AGBL4: variants seen among roughly 807,000 people sequenced by gnomAD.
AGBL4 encodes cytosolic carboxypeptidase 6.
In AGBL4, 58 loss-of-function variants were observed where a neutral mutation model predicts 66.4. The observed-to-expected ratio is 0.87, with a 90% CI of 0.71 to 1.09. The LOEUF is 1.09. Among genes scored for constraint, AGBL4 ranks in the 50% least tolerant of loss-of-function variants. AGBL4 has a pLI of 0.00. For synonymous variants in AGBL4, 234 were observed against 222.9 expected (o/e 1.05, Z -0.44); for missense variants, 579 against 631.0 (o/e 0.92, Z 0.88).
intron 10 of AGBL4, among the ~76,000 whole-genome samples, chr1:48,590,472 C>G (rs1644897536): frequency 1.3e-5 from 2 of 151,480 alleles, no homozygotes; most frequent in South Asian, 4.2e-4. Flanking sequence ...GGGAGGATTA[C>G]TTGATCTTGG....
chr1:49,642,789 A>G (rs1396156671), intron 3 of AGBL4, among the ~76,000 whole-genome samples: 1 of 152,046 alleles, frequency 6.6e-6, no homozygotes, highest in Non-Finnish European at 1.5e-5. Flanking sequence ...GATAACATTT[A>G]ACAGTTTATA....
At chr1:48,972,990 A>G (rs1659032767) in intron 5 of AGBL4, among the ~76,000 whole-genome samples, 1 of 152,116 alleles carries the variant, frequency 6.6e-6, no homozygotes, top group African/African-American at 2.4e-5. Context: ...AATTTGTCAA[A>G]TTTAAAACAT....
chr1:49,555,626 C>T (rs1653375518), intron 3 of AGBL4, among the ~76,000 whole-genome samples: 1 of 150,770 alleles, frequency 6.6e-6, no homozygotes, highest in East Asian at 2.0e-4. Context: ...TTTTTGCAAT[C>T]TACTCATCTG....
chr1:49,371,860 TGTGTGTGTTTAAA>T (rs1644353709), intron 3 of AGBL4, among the ~76,000 whole-genome samples: 1 of 147,640 alleles, frequency 6.8e-6, no homozygotes, highest in Non-Finnish European at 1.5e-5. Flanking sequence ...TGTGTGTGTG[TGTGTGTGTTTAAA>T]TAGACACCTC....
At chr1:49,049,745 G>C (rs1333710752) in intron 4 of AGBL4, among the ~76,000 whole-genome samples, 1 of 151,974 alleles carries the variant, frequency 6.6e-6, no homozygotes, top group Non-Finnish European at 1.5e-5. Context: ...AGCTTTAGGG[G>C]ATAAAGATCC....
intron 6 of AGBL4, 124 bp from the exon 7 acceptor site, chr1:48,663,365 T>C: frequency 1.2e-6 from 1 of 827,138 alleles, no homozygotes; most frequent in East Asian, 2.5e-5. Flanking sequence ...CTTAAACCAC[T>C]GGGTTAGAAT....
chr1:48,627,590 G>GA (rs563178094), intron 9 of AGBL4, among the ~76,000 whole-genome samples: 2,586 of 140,136 alleles, frequency 0.018, 48 homozygotes, highest in African/African-American at 0.042. Context: ...GAAAAGAAAA[G>GA]AAAAAAAAAA....
At chr1:49,135,817 A>G (rs1569771315) in intron 4 of AGBL4, among the ~76,000 whole-genome samples, 1 of 152,154 alleles carries the variant, frequency 6.6e-6, no homozygotes, top group East Asian at 1.9e-4. Flanking sequence ...AACATGTTAC[A>G]GTGCTGCAGA....
intron 6 of AGBL4, among the ~76,000 whole-genome samples, chr1:48,782,263 A>G (rs953787597): frequency 1.1e-4 from 16 of 152,230 alleles, no homozygotes; most frequent in Non-Finnish European, 2.4e-4. Flanking sequence ...TTAATGGAGC[A>G]GAAAATGTAC....
chr1:49,739,053 G>C (rs963208968), intron 2 of AGBL4, among the ~76,000 whole-genome samples: 8 of 152,230 alleles, frequency 5.3e-5, no homozygotes, highest in Admixed American at 2.6e-4. Context: ...AAGCTGGATG[G>C]AGAATGACTT....
At chr1:48,688,687 C>T (rs1414883455) in intron 6 of AGBL4, among the ~76,000 whole-genome samples, 1 of 152,086 alleles carries the variant, frequency 6.6e-6, no homozygotes, top group African/African-American at 2.4e-5. Flanking sequence ...AAGAGCATTC[C>T]TGAGATTAAG....
chr1:49,526,792 A>G (rs1299536761), intron 3 of AGBL4, among the ~76,000 whole-genome samples: 1 of 152,182 alleles, frequency 6.6e-6, no homozygotes, highest in Admixed American at 6.5e-5. Flanking sequence ...TGTCTGGAAG[A>G]GAAACATTTA....
intron 2 of AGBL4, among the ~76,000 whole-genome samples, chr1:49,753,805 T>A (rs61783638): frequency 6.6e-6 from 1 of 152,318 alleles, no homozygotes; most frequent in African/African-American, 2.4e-5. Flanking sequence ...CTTCACGCTT[T>A]ATTTCATTAA....
intron 3 of AGBL4, among the ~76,000 whole-genome samples, chr1:49,408,560 C>T (rs1482195466): frequency 1.3e-5 from 2 of 152,200 alleles, no homozygotes; most frequent in Non-Finnish European, 2.9e-5. Flanking sequence ...ATCATCTAAT[C>T]AGCTGCCAGT....
chr1:49,780,433 A>C (rs1034319399), intron 2 of AGBL4, among the ~76,000 whole-genome samples: 5 of 152,130 alleles, frequency 3.3e-5, no homozygotes, highest in African/African-American at 1.2e-4. Context: ...TAGAAATAAT[A>C]AATAAGATTC....
chr1:48,761,164 C>T, intron 6 of AGBL4: 1 of 705,922 alleles, frequency 1.4e-6, no homozygotes, highest in Non-Finnish European at 2.3e-6. Context: ...GAAAGTTGGC[C>T]AGCAAGGCAA....
intron 3 of AGBL4, among the ~76,000 whole-genome samples, chr1:49,287,962 G>C (rs1441555371): frequency 3.9e-4 from 53 of 134,430 alleles, no homozygotes; most frequent in Non-Finnish European, 4.6e-4. Flanking sequence ...TTGGAACCAA[G>C]CCAAATGTCC....
intron 4 of AGBL4, among the ~76,000 whole-genome samples, chr1:49,182,017 C>T (rs936546603): frequency 1.4e-4 from 22 of 152,104 alleles, no homozygotes; most frequent in African/African-American, 4.1e-4. Flanking sequence ...GGATCTTAGC[C>T]GCTGAGGCAT....
intron 3 of AGBL4, among the ~76,000 whole-genome samples, chr1:49,566,666 C>T (rs1177375134): frequency 2.0e-5 from 3 of 152,162 alleles, no homozygotes; most frequent in Admixed American, 6.5e-5. Flanking sequence ...GAAGTTTTGT[C>T]TCAGAGGGGT....
Sources: allele counts gnomAD v4.1 joint callset (sites outside exome capture counted in the v4.1 genomes callset), GRCh38; gene constraint gnomAD v4.1.1; transcripts MANE v1.5; gene names NCBI Gene and HGNC (gene_info 2026-07-23, HGNC 2026-07-21).